The following SEMA6A variants were observed in gnomAD, a reference collection of about 807,000 sequenced individuals.
The protein encoded by SEMA6A is semaphorin 6A.
In SEMA6A, 25 loss-of-function variants were observed where a neutral mutation model predicts 96.8. That is an observed-to-expected ratio of 0.26 (90% confidence interval 0.19 to 0.36). SEMA6A has a LOEUF of 0.36. Ranked by LOEUF, SEMA6A falls within the 10% of genes least tolerant of loss-of-function variation. SEMA6A has a pLI of 1.00. For synonymous variants in SEMA6A, 612 were observed against 518.0 expected (o/e 1.18, Z -2.46); for missense variants, 1,363 against 1,323.1 (o/e 1.03, Z -0.47).
chr5:116,495,632 C>A, intron 5 of SEMA6A, 118 bp from the exon 6 acceptor site: 2 of 669,942 alleles, frequency 3.0e-6, no homozygotes, highest in Admixed American at 2.9e-5. Context: ...AGGACTTCTC[C>A]CATTAAAAGT....
chr5:116,457,809 G>A (rs1448371353), intron 18 of SEMA6A, among the ~76,000 whole-genome samples: 1 of 152,084 alleles, frequency 6.6e-6, no homozygotes, highest in Non-Finnish European at 1.5e-5. Context: ...TCAGTCCCTA[G>A]AGAAGCCCAT....
At chr5:116,450,322 G>T (rs1414382577) in intron 18 of SEMA6A, among the ~76,000 whole-genome samples, 2 of 152,090 alleles carry the variant, frequency 1.3e-5, no homozygotes, top group African/African-American at 4.8e-5. Flanking sequence ...CCAAATTTAG[G>T]GGGACTGGAT....
At chr5:116,480,716 A>G (rs749797990) in intron 11 of SEMA6A, among the ~76,000 whole-genome samples, 12 of 142,304 alleles carry the variant, frequency 8.4e-5, no homozygotes, top group Non-Finnish European at 1.6e-4. Context: ...ACTCTCCAAA[A>G]CTCACCAGGG....
intron 1 of SEMA6A, among the ~76,000 whole-genome samples, chr5:116,517,293 CAA>C (rs11400626): frequency 7.2e-6 from 1 of 139,712 alleles, no homozygotes; most frequent in Admixed American, 7.1e-5. Flanking sequence ...TAAAAAATTT[CAA>C]AAAAAAAAAA....
At chr5:116,461,215 C>T (rs257844) in intron 18 of SEMA6A, among the ~76,000 whole-genome samples, 91,997 of 151,898 alleles carry the variant, frequency 0.61, 28,577 homozygotes, top group Non-Finnish European at 0.68. Context: ...TTTTTGGAAC[C>T]GTCACAATCA....
chr5:116,467,616 C>T lies in SEMA6A; in HGVS notation c.1861G>A (p.Ala621Thr). Reference protein sequence around the residue: ...DSPDSTDPLGAVSSHNHQDKK... With the variant: ...DSPDSTDPLGTVSSHNHQDKK... Reference sequence around the variant, plus strand: ...TCTTGGTGATTATGGGAAGACACTGCCCCCAAAGGGTCTGTGCTGTCAGGT... The same window carrying T: ...TCTTGGTGATTATGGGAAGACACTGTCCCCAAAGGGTCTGTGCTGTCAGGT... Residue 621 changes from alanine to threonine, a missense_variant, in exon 18 of 19, where the codon GCA becomes ACA. Physicochemically the swap from Ala to Thr is moderately conservative, Grantham distance 58. This residue lies in a region of SEMA6A where 883 missense variants were observed against 763.6 expected (regional missense o/e 1.16). Transcript: ENST00000343348. 1 of 1,613,324 alleles carries T rather than the reference C, an allele frequency of 6.2e-7. No homozygotes were observed. The highest frequency in any genetic ancestry group is 8.5e-7 in the Non-Finnish European group (1 of 1,179,654).
intron 6 of SEMA6A, among the ~76,000 whole-genome samples, chr5:116,492,799 A>G (rs1757392593): frequency 6.6e-6 from 1 of 152,196 alleles, no homozygotes; most frequent in African/African-American, 2.4e-5. Context: ...CTTGTGTGCT[A>G]TGATAAGACT....
chr5:116,507,688 T>A (rs1473659011), intron 1 of SEMA6A, among the ~76,000 whole-genome samples: 2 of 152,240 alleles, frequency 1.3e-5, no homozygotes, highest in African/African-American at 4.8e-5. Context: ...AAATATAACT[T>A]AGACTTAAGC....
At chr5:116,546,955 C>T (rs897451204) in intron 1 of SEMA6A, among the ~76,000 whole-genome samples, 1 of 152,082 alleles carries the variant, frequency 6.6e-6, no homozygotes, top group South Asian at 2.1e-4. Context: ...TATAGATTCT[C>T]ATGAAAAACA....
intron 1 of SEMA6A, among the ~76,000 whole-genome samples, chr5:116,518,395 A>G (rs1262538971): frequency 1.3e-5 from 2 of 152,270 alleles, no homozygotes; most frequent in Non-Finnish European, 2.9e-5. Flanking sequence ...CAGCACATGA[A>G]TATCACCAAT....
intron 15 of SEMA6A, among the ~76,000 whole-genome samples, chr5:116,477,000 G>C (rs894769592): frequency 4.6e-5 from 7 of 152,166 alleles, no homozygotes; most frequent in African/African-American, 1.7e-4. Context: ...TTCTGAAATA[G>C]GAAGGGAGGC....
chr5:116,565,335 A>G (rs985283247), intron 1 of SEMA6A, among the ~76,000 whole-genome samples: 4 of 152,194 alleles, frequency 2.6e-5, no homozygotes, highest in African/African-American at 9.7e-5. Flanking sequence ...AAGCCCTAGT[A>G]TATCTCAAAC....
At chr5:116,547,028 A>G (rs1204577204) in intron 1 of SEMA6A, among the ~76,000 whole-genome samples, 1 of 151,812 alleles carries the variant, frequency 6.6e-6, no homozygotes, top group Non-Finnish European at 1.5e-5. Context: ...TTCCAACCCT[A>G]TTTTTTTTCC....
chr5:116,501,307 A>T (rs1238785465), intron 3 of SEMA6A, among the ~76,000 whole-genome samples: 1 of 152,194 alleles, frequency 6.6e-6, no homozygotes, highest in Non-Finnish European at 1.5e-5. Context: ...AATTTATGTG[A>T]TCCCTGTTTG....
intron 10 of SEMA6A, among the ~76,000 whole-genome samples, chr5:116,482,869 TA>T (rs1756857536): frequency 6.6e-6 from 1 of 152,248 alleles, no homozygotes. Context: ...ATTGTTGAGC[TA>T]GTGATAGAAG....
chr5:116,505,078 G>T (rs1048426442), intron 1 of SEMA6A, 96 bp from the exon 2 acceptor site: 1 of 622,722 alleles, frequency 1.6e-6, no homozygotes. Context: ...AGAAAAAAAG[G>T]CTTCTGCTTT....
At chr5:116,537,596 G>A (rs902324523) in intron 1 of SEMA6A, among the ~76,000 whole-genome samples, 1 of 152,170 alleles carries the variant, frequency 6.6e-6, no homozygotes, top group South Asian at 2.1e-4. Context: ...CCCAAATGGA[G>A]ATAAAGTAAC....
chr5:116,557,661 T>TCA (rs2067139), intron 1 of SEMA6A, among the ~76,000 whole-genome samples: 107,506 of 151,616 alleles, frequency 0.71, 39,898 homozygotes, highest in East Asian at 0.87. Context: ...TGGCTTCAAT[T>TCA]CAGTCATTGG....
intron 18 of SEMA6A, among the ~76,000 whole-genome samples, chr5:116,459,685 C>T (rs537108712): frequency 6.6e-6 from 1 of 152,236 alleles, no homozygotes; most frequent in African/African-American, 2.4e-5. Context: ...CTGTGTCCCC[C>T]ACTTGGAATT....
Sources: allele counts gnomAD v4.1 joint callset (sites outside exome capture counted in the v4.1 genomes callset), GRCh38; gene constraint gnomAD v4.1.1; regional missense constraint gnomAD v4.1.1; transcripts MANE v1.5; gene names NCBI Gene and HGNC (gene_info 2026-07-23, HGNC 2026-07-21).